Variants in CROCC observed in about 807,000 individuals in gnomAD.
The protein encoded by CROCC is rootletin.
Under a neutral mutation model 245.2 loss-of-function variants are expected in CROCC, and 180 were observed. The observed-to-expected ratio is 0.73, with a 90% CI of 0.65 to 0.83. CROCC has a LOEUF of 0.83. CROCC is among the 40% of genes least tolerant of loss of function. The pLI, the probability that CROCC is intolerant of heterozygous loss-of-function variation, is 0.00. For missense variants in CROCC, 2,688 were observed against 2,779.4 expected (o/e 0.97, Z 0.74); for synonymous variants, 1,205 against 1,241.6 (o/e 0.97, Z 0.62).
At chr1:16,932,557 C>A (rs2075701177) in intron 8 of CROCC, among the ~76,000 whole-genome samples, 1 of 152,248 alleles carries the variant, frequency 6.6e-6, no homozygotes, top group African/African-American at 2.4e-5. Flanking sequence ...GTCAGAAAAA[C>A]CACTTTGTGG....
intron 1 of CROCC, among the ~76,000 whole-genome samples, chr1:16,914,269 G>C (rs11203412): frequency 6.6e-6 from 1 of 152,044 alleles, no homozygotes; most frequent in South Asian, 2.1e-4. Flanking sequence ...CGACTGCCGC[G>C]GCCCGGCACC....
chr1:16,927,437 C>T (rs1274693052), intron 3 of CROCC, among the ~76,000 whole-genome samples: 4 of 152,368 alleles, frequency 2.6e-5, no homozygotes, highest in Admixed American at 1.3e-4. Flanking sequence ...CCAGGCACAC[C>T]CCCCAGACCC....
At chr1:16,964,407 G>A (rs529066676) in intron 27 of CROCC, among the ~76,000 whole-genome samples, 54 of 142,688 alleles carry the variant, frequency 3.8e-4, no homozygotes, top group Non-Finnish European at 4.1e-4. Flanking sequence ...TTTTTTGACC[G>A]AGTCTCACTC....
At chr1:16,958,020 A>G (rs1024270719) in intron 25 of CROCC, among the ~76,000 whole-genome samples, 1 of 152,024 alleles carries the variant, frequency 6.6e-6, no homozygotes. Flanking sequence ...GTGGGGAAAT[A>G]GGGGCTTAGA....
intron 31 of CROCC, among the ~76,000 whole-genome samples, chr1:16,968,844 G>A (rs1415691196): frequency 2.0e-5 from 3 of 152,228 alleles, no homozygotes; most frequent in Non-Finnish European, 1.5e-5. Flanking sequence ...AGAGAGGAGA[G>A]AGGAGTGAGG....
chr1:16,959,451 T>C (rs530320799), intron 26 of CROCC, among the ~76,000 whole-genome samples: 2 of 152,358 alleles, frequency 1.3e-5, no homozygotes, highest in East Asian at 3.9e-4. Flanking sequence ...GGCTGTTTCA[T>C]TGCCATGAAT....
At position 16,933,802 on chromosome 1, in the gene CROCC, A is replaced by G. The variant is rs536274436; in HGVS notation, c.956+2405A>G. 4.6e-5 allele frequency among the ~76,000 whole-genome samples: 7 copies of G among 152,376 alleles called. No homozygotes were observed. In the East Asian group the frequency reaches 1.3e-3, roughly 29 times the overall value. On this transcript the variant is annotated intron_variant, in intron 8 of 36. Transcript: ENST00000375541. ...GGCTGGTCTTGACCTCAGGTGATCC[A>G]CCTACCTTGGTCTCCCAAAGTGCTG...
upstream of CROCC, among the ~76,000 whole-genome samples, chr1:16,920,742 C>CTTTT (rs33965029): frequency 1.7e-4 from 23 of 135,406 alleles, no homozygotes; most frequent in East Asian, 1.9e-3. Flanking sequence ...GGGACTGTGC[C>CTTTT]TTTTTTTTTT....
intron 19 of CROCC, among the ~76,000 whole-genome samples, chr1:16,950,554 C>A (rs1411089058): frequency 6.6e-6 from 1 of 152,202 alleles, no homozygotes; most frequent in Non-Finnish European, 1.5e-5. Context: ...GACAGGGTTT[C>A]ACCATGTTGG....
chr1:16,920,713 C>A (rs1474966603), upstream of CROCC, among the ~76,000 whole-genome samples: 1 of 150,842 alleles, frequency 6.6e-6, no homozygotes. Flanking sequence ...ACCTCTGGGT[C>A]TCAGGGCCCT....
chr1:16,931,458 T>A (rs1466281878), intron 8 of CROCC, 61 bp downstream of exon 8: 1 of 1,445,492 alleles, frequency 6.9e-7, no homozygotes, highest in Admixed American at 1.7e-5. Flanking sequence ...TATGTCCAAC[T>A]GAACTCAGTT....
intron 1 of CROCC, among the ~76,000 whole-genome samples, chr1:16,914,770 A>ATG (rs2075285401): frequency 1.3e-5 from 2 of 152,204 alleles, no homozygotes; most frequent in Admixed American, 6.5e-5. Flanking sequence ...TGATTTTCAC[A>ATG]CAGACTTAAG....
chr1:16,926,219 G>A (rs1221631683), intron 3 of CROCC, among the ~76,000 whole-genome samples: 1 of 152,272 alleles, frequency 6.6e-6, no homozygotes, highest in Non-Finnish European at 1.5e-5. Flanking sequence ...CCTGGAGGCA[G>A]GGGTGGAACA....
Position 16,944,183 on chromosome 1 carries a change from C to T in CROCC, c.1892C>T (p.Ala631Val), listed in dbSNP as rs200150662. ...CGGCAGGAGCGGGAGAAGCTGCAGG[C>T]TGCCCAGGAGGAGCTGCGGCGCCAG... ...ELRQEREKLQ[A>V]AQEELRRQRD... Residue 631 changes from alanine to valine, a missense_variant, in exon 14 of 37, where the codon GCT (alanine) becomes GTT (valine). Physicochemically the swap from Ala to Val is moderately conservative, Grantham distance 64 (BLOSUM62 0). Coordinates refer to ENST00000375541, the MANE Select transcript of CROCC (RefSeq NM_014675.5). 844 of 1,555,372 alleles carry T rather than the reference C, an allele frequency of 5.4e-4. 4 individuals are homozygous for T. Among genetic ancestry groups the T allele is most frequent in the Admixed American group, 6.4e-4 (33 of 51,298 alleles).
intron 3 of CROCC, among the ~76,000 whole-genome samples, chr1:16,925,163 G>A (rs888166816): frequency 1.3e-5 from 2 of 152,262 alleles, no homozygotes; most frequent in Admixed American, 1.3e-4. Flanking sequence ...CTGGGAAGTT[G>A]GTGGTGGCTG....
In CROCC at chr1:16,951,130, C is replaced by A; in HGVS notation, c.3006+8C>A. The A allele has an allele frequency of 6.6e-7, 1 of 1,507,968 alleles. No individual in the cohort carries two copies. The allele number at this position is 1,507,968 out of a possible 1,614,324, so 93.4% of individuals were successfully genotyped here. On this transcript the variant is annotated splice_region_variant and intron_variant, in intron 20 of 36. Transcript: ENST00000375541. ...CGACTCCAGCGTGAAAAGGTTCAGG[C>A]AGCTGGGGAGGGGTGGGCAGGACTC...
chr1:16,969,907 C>A lies in CROCC; in HGVS notation c.5424C>A (p.Ala1808=), dbSNP rs529748210. Residue 1808 remains alanine, a synonymous_variant, in exon 33 of 37, where the codon GCC becomes GCA. Coordinates refer to ENST00000375541, the MANE Select transcript of CROCC (RefSeq NM_014675.5). ...ACCTGGAACTGCAGCGGGTGGAGGC[C>A]GAGGGCCAGCTACAACAGCTACGGG... ...VADLELQRVE[A]EGQLQQLREV... 1.2e-6 allele frequency: 2 copies of A among 1,605,172 alleles called. No homozygotes were observed. The highest frequency in any genetic ancestry group is 1.7e-6 in the Non-Finnish European group (2 of 1,175,508).
At chr1:16,922,565 G>A (rs559094725) in intron 1 of CROCC, 98 bp from the exon 2 acceptor site, 2 of 1,471,218 alleles carry the variant, frequency 1.4e-6, no homozygotes, top group Admixed American at 2.4e-5. Context: ...GGCTCCTGGG[G>A]ACCTGTATCT....
At position 16,970,306 on chromosome 1, in the gene CROCC, G is replaced by A. The variant is rs754098788; in HGVS notation, c.5505G>A (p.Lys1835=). Residue 1835 remains lysine, a synonymous_variant, in exon 34 of 37, where the codon AAG becomes AAA. Coordinates refer to ENST00000375541, the MANE Select transcript of CROCC (RefSeq NM_014675.5). ...CTGCAGCCCTGAACACCGTCCAGAA[G>A]CTGCAAGACGAGCGGCGGCTGCTGC... ...GEAAALNTVQ[K]LQDERRLLQE... 6.3e-7 allele frequency: 1 copy of A among 1,586,058 alleles called. No individual in the cohort carries two copies. The highest frequency in any genetic ancestry group is 2.3e-5 in the East Asian group (1 of 43,196).
Sources: gnomAD v4.1 joint callset for allele counts (sites outside exome capture counted in the v4.1 genomes callset) on GRCh38, gnomAD v4.1.1 for gene constraint, MANE v1.5 for transcripts, NCBI Gene and HGNC (gene_info 2026-07-23, HGNC 2026-07-21) for gene names.